Variants in NRXN2 observed in about 807,000 individuals in gnomAD.
NRXN2 encodes neurexin 2.
Under a neutral mutation model 128.8 loss-of-function variants are expected in NRXN2, and 29 were observed. That is an observed-to-expected ratio of 0.23 (90% CI 0.17 to 0.31). The LOEUF is 0.31. NRXN2 is among the 10% of genes least tolerant of loss of function. The pLI is 1.00. For synonymous variants in NRXN2, 1,098 were observed against 1,075.2 expected (o/e 1.02, Z -0.41); for missense variants, 1,881 against 2,452.6 (o/e 0.77, Z 4.92).
chr11:64,679,218 T>C (rs1251507142), intron 6 of NRXN2, among the ~76,000 whole-genome samples: 1 of 152,138 alleles, frequency 6.6e-6, no homozygotes, highest in Admixed American at 6.5e-5. Flanking sequence ...GAAAAAGGCA[T>C]TGGAGGTAAA....
chr11:64,666,749 G>C (rs2049924287), intron 9 of NRXN2, among the ~76,000 whole-genome samples: 1 of 151,942 alleles, frequency 6.6e-6, no homozygotes, highest in Non-Finnish European at 1.5e-5. Context: ...ATTTTTAGTA[G>C]AGATGGGGTT....
intron 18 of NRXN2, among the ~76,000 whole-genome samples, chr11:64,634,592 T>G (rs2044410614): frequency 6.6e-6 from 1 of 151,820 alleles, no homozygotes; most frequent in Non-Finnish European, 1.5e-5. Flanking sequence ...GGCTTCTCCC[T>G]GTGGAGCTGA....
chr11:64,608,325 T>C (rs552539795), intron 22 of NRXN2, among the ~76,000 whole-genome samples: 24 of 152,256 alleles, frequency 1.6e-4, no homozygotes, highest in Non-Finnish European at 5.9e-5. Flanking sequence ...TTTGGTCTTT[T>C]GTTTGTCTTA....
At chr11:64,681,590 A>T (rs2052301035) in intron 6 of NRXN2, among the ~76,000 whole-genome samples, 1 of 152,246 alleles carries the variant, frequency 6.6e-6, no homozygotes, top group Non-Finnish European at 1.5e-5. Context: ...GCAATACCCC[A>T]GTTAGTCATC....
chr11:64,675,619 C>A (rs112867956), intron 7 of NRXN2: 2 of 152,430 alleles, frequency 1.3e-5, no homozygotes, highest in East Asian at 1.9e-4. Context: ...TGGGCAGGCA[C>A]GAGGGAATCC....
chr11:64,675,359 T>A (rs2051164216), intron 7 of NRXN2: 1 of 152,264 alleles, frequency 6.6e-6, no homozygotes, highest in African/African-American at 2.4e-5. Context: ...TGCAAAAGTA[T>A]CAGGAAAAGC....
At chr11:64,704,170 T>C (rs534272528) in intron 2 of NRXN2, among the ~76,000 whole-genome samples, 7 of 152,112 alleles carry the variant, frequency 4.6e-5, no homozygotes, top group Admixed American at 3.9e-4. Context: ...ACATAGGTGA[T>C]TTCATTTGCT....
intron 15 of NRXN2, among the ~76,000 whole-genome samples, chr11:64,649,981 G>A (rs188116689): frequency 6.6e-6 from 1 of 151,962 alleles, no homozygotes; most frequent in Admixed American, 6.6e-5. Flanking sequence ...GGGAAGCCTA[G>A]GTCCAAAATG....
intron 2 of NRXN2, among the ~76,000 whole-genome samples, chr11:64,698,865 T>G (rs962723252): frequency 6.6e-6 from 1 of 152,206 alleles, no homozygotes; most frequent in Non-Finnish European, 1.5e-5. Context: ...CTCCAAACAT[T>G]TGCCATGTGC....
intron 22 of NRXN2, among the ~76,000 whole-genome samples, chr11:64,611,548 G>A (rs2040641191): frequency 6.6e-6 from 1 of 152,222 alleles, no homozygotes; most frequent in Admixed American, 6.5e-5. Context: ...ACAGAGCTTG[G>A]CTCTCTACCA....
chr11:64,709,823 A>G (rs2056716006), intron 2 of NRXN2, among the ~76,000 whole-genome samples: 1 of 151,498 alleles, frequency 6.6e-6, no homozygotes, highest in Non-Finnish European at 1.5e-5. Flanking sequence ...CCACACACAC[A>G]TCACACACAC....
Position 64,713,207 on chromosome 11 carries a change from TA to T in NRXN2, c.492del (p.Thr165ArgfsTer2). The T allele has an allele frequency of 6.8e-7, 1 of 1,469,246 alleles. No individual in the cohort carries two copies. Among genetic ancestry groups the T allele is most frequent in the Non-Finnish European group, 9.0e-7 (1 of 1,114,480 alleles). The allele number at this position is 1,469,246 out of a possible 1,614,324, so 91.0% of individuals were successfully genotyped here. A position where few individuals can be genotyped will look rare whatever the true frequency, so the allele number is the denominator to read the frequency against. ...GGCTCGTACTTGACGGTGCTCAGCG[TA>T]AGCGCCGAGAGGCGCACGTCGGGCG... ...GIPPDVRLSA[L>X]TLSTVKYEPP... On this transcript the variant is annotated frameshift_variant, in exon 2 of 23. Transcript: ENST00000265459. LOFTEE classifies it high-confidence loss of function.
intron 3 of NRXN2, among the ~76,000 whole-genome samples, chr11:64,693,247 GA>G (rs35035960): frequency 2.7e-4 from 39 of 142,412 alleles, no homozygotes; most frequent in Non-Finnish European, 3.4e-4. Context: ...CTTCTTGCCG[GA>G]AAAAAAAAAA....
At chr11:64,633,121 C>T (rs1222656667) in intron 18 of NRXN2, among the ~76,000 whole-genome samples, 4 of 152,230 alleles carry the variant, frequency 2.6e-5, no homozygotes, top group African/African-American at 7.2e-5. Context: ...CTCTGCCGTA[C>T]CCGGCACCAG....
intron 20 of NRXN2, among the ~76,000 whole-genome samples, chr11:64,625,509 G>C (rs1200576041): frequency 6.6e-6 from 1 of 152,164 alleles, no homozygotes; most frequent in Non-Finnish European, 1.5e-5. Flanking sequence ...CACAGGCATG[G>C]GGGGCTAGAA....
chr11:64,642,577 G>A, intron 17 of NRXN2: 1 of 1,611,144 alleles, frequency 6.2e-7, no homozygotes, highest in Non-Finnish European at 8.5e-7. Context: ...GCGGTTGATG[G>A]CGATGGGCAC....
rs1331958680 is a variant in NRXN2 at position 64,623,984 on chromosome 11, G to T, written c.3848-906C>A. 6.6e-6 allele frequency: 1 copy of T among 151,366 alleles called. No individual in the cohort carries two copies. Among genetic ancestry groups the T allele is most frequent in the Non-Finnish European group, 1.5e-5 (1 of 67,920 alleles). The allele number at this position is 151,366 out of a possible 1,614,324, so 9.4% of individuals were successfully genotyped here. On this transcript the variant is annotated intron_variant, in intron 20 of 22. Transcript: ENST00000265459. The surrounding 1 kb of genome is among the most constrained non-coding windows in gnomAD (Gnocchi z 4.9). ...CCCTCTGAGTTTGTTGTTTTGGTTT[G>T]GTTTTTAGAAAAGATGTTTATTATG...
At chr11:64,627,084 T>C (rs565191500) in intron 19 of NRXN2, among the ~76,000 whole-genome samples, 1 of 152,160 alleles carries the variant, frequency 6.6e-6, no homozygotes, top group South Asian at 2.1e-4. Flanking sequence ...TTTAAACCAC[T>C]TCTCCAGGCC....
chr11:64,678,686 T>G (rs1348144163), intron 6 of NRXN2, among the ~76,000 whole-genome samples: 1 of 152,064 alleles, frequency 6.6e-6, no homozygotes, highest in Non-Finnish European at 1.5e-5. Flanking sequence ...TACCCCTGTC[T>G]TTGGGGAGGA....
Sources: allele counts gnomAD v4.1 joint callset (sites outside exome capture counted in the v4.1 genomes callset), GRCh38; gene constraint gnomAD v4.1.1; non-coding constraint Gnocchi (gnomAD v3.1); transcripts MANE v1.5; gene names NCBI Gene and HGNC (gene_info 2026-07-23, HGNC 2026-07-21).